Variants in GPC2 observed in about 807,000 individuals in gnomAD.
The protein encoded by GPC2 is glypican-2.
A neutral mutation model predicts 57.3 loss-of-function variants in GPC2; 42 were observed. The observed-to-expected ratio is 0.73, with a 90% CI of 0.57 to 0.95. The LOEUF (loss-of-function observed/expected upper bound fraction) is 0.95, where lower values mean the gene tolerates loss of function less well. Ranked by LOEUF, GPC2 falls within the 40% of genes least tolerant of loss-of-function variation. The pLI, the probability that GPC2 is intolerant of heterozygous loss-of-function variation, is 0.00. For missense variants in GPC2, 745 were observed against 793.6 expected (o/e 0.94, Z 0.74); for synonymous variants, 364 against 343.4 (o/e 1.06, Z -0.66).
Position 100,171,031 on chromosome 7 carries a change from T to G in GPC2, c.1486+230A>C. ...GCCCATTATAAGGGGCTTCCCACTG[T>G]TCTTTAAGAATGTTTTCGTGTCTCC... On this transcript the variant is annotated intron_variant, in intron 9 of 9. Coordinates refer to ENST00000292377, the MANE Select transcript of GPC2 (RefSeq NM_152742.3). The surrounding 1 kb of genome is among the most constrained non-coding windows in gnomAD (Gnocchi z 4.8). 7.0e-6 allele frequency: 3 copies of G among 429,218 alleles called. No homozygotes were observed. Among genetic ancestry groups the G allele is most frequent in the Non-Finnish European group, 1.2e-5 (3 of 245,078 alleles). The allele number at this position is 429,218 out of a possible 1,614,324, so 26.6% of individuals were successfully genotyped here.
intron 2 of GPC2, 70 bp downstream of exon 2, chr7:100,176,137 A>G (rs543860064): frequency 7.6e-5 from 108 of 1,425,120 alleles, no homozygotes; most frequent in Middle Eastern, 4.8e-4. Context: ...GAGTGGGGAC[A>G]GGAGCCTTGC....
At chr7:100,174,023 C>A in intron 4 of GPC2, 26 bp from the exon 5 acceptor site, 1 of 1,513,988 alleles carries the variant, frequency 6.6e-7, no homozygotes, top group East Asian at 2.5e-5. Flanking sequence ...GGGGCTGTGT[C>A]CTCCACAAAC....
At chr7:100,172,025 CCT>C (rs1799187755) in intron 6 of GPC2, 60 bp downstream of exon 6, 1 of 1,594,028 alleles carries the variant, frequency 6.3e-7, no homozygotes, top group Non-Finnish European at 8.6e-7. Flanking sequence ...CCCTATACTG[CCT>C]CTCTGACACC....
At chr7:100,174,512 G>A (rs568616074) in intron 4 of GPC2, 173 bp downstream of exon 4, 19 of 695,012 alleles carry the variant, frequency 2.7e-5, no homozygotes, top group South Asian at 2.7e-4. Context: ...GTGGACCATT[G>A]GAGGTTTCAC....
In GPC2 at chr7:100,171,284, T is replaced by C; in HGVS notation, c.1463A>G (p.His488Arg). The C allele has an allele frequency of 6.5e-7, 1 of 1,536,188 alleles. No homozygotes were observed. The highest frequency in any genetic ancestry group is 8.8e-7 in the Non-Finnish European group (1 of 1,140,226). Residue 488 changes from histidine to arginine, a missense_variant, in exon 9 of 10, where the codon CAC becomes CGC. Around this residue, in one of 2 missense-constraint regions of GPC2, gnomAD observed 607 missense variants for 603.9 expected, o/e 1.01. Coordinates refer to ENST00000292377, the MANE Select transcript of GPC2 (RefSeq NM_152742.3). The surrounding 1 kb of genome is among the most constrained non-coding windows in gnomAD (Gnocchi z 4.8). ...TARMKTAALGHDLDGQDADED... is the reference protein window; with the variant it reads ...TARMKTAALGRDLDGQDADED... ...ACCCGCGTCCTGCCCGTCCAGGTCG[T>C]GTCCCAGTGCGGCCGTTTTCATTCT...
chr7:100,172,749 G>GTATATATATGTTTT (rs1799205513), intron 5 of GPC2, among the ~76,000 whole-genome samples: 1 of 101,312 alleles, frequency 9.9e-6, no homozygotes. Flanking sequence ...ATATATGTGT[G>GTATATATATGTTTT]TATATATATG....
intron 5 of GPC2, among the ~76,000 whole-genome samples, chr7:100,172,746 T>TATAC (rs1391370353): frequency 2.2e-5 from 3 of 137,494 alleles, no homozygotes; most frequent in African/African-American, 7.7e-5. Context: ...TATATATATG[T>TATAC]GTGTATATAT....
rs1255179137 is a variant in GPC2, at chr7:100,173,965, C to T, written c.762G>A (p.Leu254=). 2.5e-6 allele frequency: 4 copies of T among 1,594,488 alleles called. No homozygotes were observed. Among genetic ancestry groups the T allele is most frequent in the Non-Finnish European group, 3.4e-6 (4 of 1,171,052 alleles). Residue 254 remains leucine, a synonymous_variant, in exon 5 of 10, where the codon CTG becomes CTA. Coordinates refer to ENST00000292377, the MANE Select transcript of GPC2 (RefSeq NM_152742.3). ...VPVSEGCSQA[L]MRLIGCPLCR... is the part of the protein sequence containing the mutation. ...ACAGGGGACAGCCGATGAGACGCAT[C>T]AGAGCCTGGCTGCAGCCTTCAGACA...
At chr7:100,173,625 C>G in intron 5 of GPC2, 1 of 377,122 alleles carries the variant, frequency 2.7e-6, no homozygotes, top group Non-Finnish European at 4.7e-6. Context: ...TCTTTCTTTC[C>G]TTCCTTCTTT....
At position 100,171,461 on chromosome 7, in the gene GPC2, G is replaced by T; in HGVS notation, c.1311-25C>A. 1 of 1,358,058 alleles carries T rather than the reference G, an allele frequency of 7.4e-7. No individual in the cohort carries two copies. 84.1% of individuals were successfully genotyped at this position (1,358,058 alleles called of 1,614,324 possible). A position where few individuals can be genotyped will look rare whatever the true frequency, so the allele number is the denominator to read the frequency against. ...CCTGCGAGCAGAGCAGCCCCGAAGCGCCAGCTAGCGCGCGCGGCCCCGCCC... is the reference window on the plus strand; with the variant it reads ...CCTGCGAGCAGAGCAGCCCCGAAGCTCCAGCTAGCGCGCGCGGCCCCGCCC... On this transcript the variant is annotated intron_variant, in intron 8 of 9. Transcript: ENST00000292377. This position sits in a 1 kb window ranked among gnomAD's most constrained non-coding sequence, Gnocchi z 4.8.
chr7:100,172,197 C>T lies in GPC2; in HGVS notation c.913G>A (p.Asp305Asn). The T allele has an allele frequency of 6.2e-7, 1 of 1,613,894 alleles. No individual in the cohort carries two copies. The highest frequency in any genetic ancestry group is 8.5e-7 in the Non-Finnish European group (1 of 1,179,972). Residue 305 changes from aspartate to asparagine, a missense_variant, in exon 6 of 10, where the codon GAT (aspartate) becomes AAT (asparagine). This residue lies in a region of GPC2 where 607 missense variants were observed against 603.9 expected (regional missense o/e 1.01). Transcript: ENST00000292377. ...AAGGAAAAGGGGCCCTGGAGCTTAT[C>T]AGCCAGGATCAGGAGACCATCTTAA... is the stretch of plus-strand genomic sequence containing the variant. Reference protein sequence around the residue: ...NYLDGLLILADKLQGPFSFEL... With the variant: ...NYLDGLLILANKLQGPFSFEL...
rs777839211 is a variant in GPC2 at position 100,175,664 on chromosome 7, G to C, written c.556C>G (p.Pro186Ala). 70 of 1,614,008 alleles carry C rather than the reference G, an allele frequency of 4.3e-5. No individual in the cohort carries two copies. The Admixed American group carries it at 1.0e-3, about 24-fold the overall frequency. Residue 186 changes from proline to alanine, a missense_variant, in exon 3 of 10, where the codon CCT (proline) becomes GCT (alanine). Pro to Ala is a conservative substitution (Grantham distance 27). This residue lies in a region of GPC2 where 607 missense variants were observed against 603.9 expected (regional missense o/e 1.01). Transcript: ENST00000292377. Reference sequence around the variant, plus strand: ...CGTGAGAGGCAGAGCAGGTAGTCAGGGGGGAAGCTGTACTGTGGGTGCAGC... The same window carrying C: ...CGTGAGAGGCAGAGCAGGTAGTCAGCGGGGAAGCTGTACTGTGGGTGCAGC... ...PLLHPQYSFP[P>A]DYLLCLSRLA...
At chr7:100,175,450 T>G in intron 3 of GPC2, 122 bp downstream of exon 3, 1 of 753,330 alleles carries the variant, frequency 1.3e-6, no homozygotes, top group Non-Finnish European at 2.2e-6. Flanking sequence ...ATGGCTTCAA[T>G]GCAGGATGGG....
rs1294075675 is a variant in GPC2 at position 100,170,061 on chromosome 7, C to G, written c.*169G>C. 2 of 561,304 alleles carry G rather than the reference C, an allele frequency of 3.6e-6. No individual in the cohort carries two copies. The highest frequency in any genetic ancestry group is 6.4e-5 in the East Asian group (2 of 31,140). The allele number at this position is 561,304 out of a possible 1,614,324, so 34.8% of individuals were successfully genotyped here. ...ATGAAAAAATAAATATTGTGAACAC[C>G]CACCCACCTCTGATGAAAATCTCCT... On this transcript the variant is annotated 3_prime_UTR_variant, in exon 10 of 10. Coordinates refer to ENST00000292377, the MANE Select transcript of GPC2 (RefSeq NM_152742.3).
chr7:100,170,411 G>A lies in GPC2; in HGVS notation c.1559C>T (p.Pro520Leu). ...GTATGGAGGCCGAGGAGGCCGGGCT[G>A]GGGGAGCCACAGCCCCAGCCATCCA... is the stretch of plus-strand genomic sequence containing the variant. ...DDWMAGAVAP[P>L]ARPPRPPYPP... Residue 520 changes from proline (P) to leucine (L), a missense_variant, in exon 10 of 10, where the codon CCA (proline) becomes CTA (leucine). Pro to Leu is a moderately conservative substitution (Grantham distance 98). This residue lies in a region of GPC2 where 607 missense variants were observed against 603.9 expected (regional missense o/e 1.01). Transcript: ENST00000292377. 6.2e-7 allele frequency: 1 copy of A among 1,610,008 alleles called. No individual in the cohort carries two copies. The highest frequency in any genetic ancestry group is 8.5e-7 in the Non-Finnish European group (1 of 1,177,866).
chr7:100,171,096 G>A lies in GPC2; in HGVS notation c.1486+165C>T, dbSNP rs577879759. On this transcript the variant is annotated intron_variant, in intron 9 of 9. Coordinates refer to ENST00000292377, the MANE Select transcript of GPC2 (RefSeq NM_152742.3). The surrounding 1 kb of genome is among the most constrained non-coding windows in gnomAD (Gnocchi z 4.8). ...AGGATACAGACCCCCTCATTGATCTGTTACCCCCAGTCTTTCAGGGCAACG... is the reference window on the plus strand; with the variant it reads ...AGGATACAGACCCCCTCATTGATCTATTACCCCCAGTCTTTCAGGGCAACG... 137 of 610,168 alleles carry A rather than the reference G, an allele frequency of 2.2e-4. No homozygotes were observed. The South Asian group carries it at 3.0e-3, about 13-fold the overall frequency. 37.8% of individuals were successfully genotyped at this position (610,168 alleles called of 1,614,324 possible).
At position 100,177,340 on chromosome 7, in the gene GPC2, A is replaced by C; in HGVS notation, c.-141T>G. The C allele has an allele frequency of 1.5e-6, 1 of 670,066 alleles. No individual in the cohort carries two copies. Among genetic ancestry groups the C allele is most frequent in the Non-Finnish European group, 2.3e-6 (1 of 426,888 alleles). 41.5% of individuals were successfully genotyped at this position (670,066 alleles called of 1,614,324 possible). A position where few individuals can be genotyped will look rare whatever the true frequency, so the allele number is the denominator to read the frequency against. On this transcript the variant is annotated 5_prime_UTR_variant, in exon 1 of 10. Coordinates refer to ENST00000292377, the MANE Select transcript of GPC2 (RefSeq NM_152742.3). ...TGCTCCGGAAAACTGAATACCGAGC[A>C]CGATAGCTGGACCAGGCGGCATCTG...
In GPC2 at chr7:100,173,922, G is replaced by A. The variant is rs1799226956; in HGVS notation, c.805C>T (p.Leu269Phe). The A allele has an allele frequency of 6.2e-7, 1 of 1,606,156 alleles. No individual in the cohort carries two copies. Among genetic ancestry groups the A allele is most frequent in the African/African-American group, 1.3e-5 (1 of 74,276 alleles). ...AGGCAGAAGCCCTGGCAGGGCATAA[G>A]TGAGGGGACCCCCCGGCACAGGGGA... Reference protein sequence around the residue: ...GCPLCRGVPSLMPCQGFCLNV... With the variant: ...GCPLCRGVPSFMPCQGFCLNV... Residue 269 changes from leucine to phenylalanine, a missense_variant, in exon 5 of 10, where the codon CTT (leucine) becomes TTT (phenylalanine). Transcript: ENST00000292377.
rs1402531655 is a variant in GPC2 at position 100,176,329 on chromosome 7, C to G, written c.203G>C (p.Cys68Ser). The part of the protein sequence containing the change: ...HLRVCPQEYT[C>S]CSSETEQRLI... ...CCTCTGCTCTGTCTCACTGGAACAG[C>G]AGGTGTACTCCTGGGGACAGACCCG... The change falls in exon 2 of 10, where the codon TGC becomes TCC. Residue 68 changes from cysteine (C) to serine (S), a missense_variant. Coordinates refer to ENST00000292377, the MANE Select transcript of GPC2 (RefSeq NM_152742.3). 6.2e-7 allele frequency: 1 copy of G among 1,614,122 alleles called. No homozygotes were observed.
Sources: gnomAD v4.1 joint callset for allele counts (sites outside exome capture counted in the v4.1 genomes callset) on GRCh38, gnomAD v4.1.1 for gene constraint, gnomAD v4.1.1 regional missense constraint, Gnocchi (gnomAD v3.1) non-coding constraint, MANE v1.5 for transcripts, NCBI Gene and HGNC (gene_info 2026-07-23, HGNC 2026-07-21) for gene names.